Variants in RFTN1 observed in about 807,000 individuals in gnomAD.
RFTN1 encodes the protein raftlin, lipid raft linker 1, also known as raftlin.
A neutral mutation model predicts 46.5 loss-of-function variants in RFTN1; 26 were observed. The ratio of observed to expected loss-of-function variants is 0.56; its 90% CI spans 0.41 to 0.78. The LOEUF (loss-of-function observed/expected upper bound fraction) is 0.78, where lower values mean the gene tolerates loss of function less well. Ranked by LOEUF, RFTN1 falls within the 30% of genes least tolerant of loss-of-function variation. RFTN1 has a pLI of 0.00. For missense variants in RFTN1, 693 were observed against 718.7 expected (o/e 0.96, Z 0.41); for synonymous variants, 261 against 284.2 (o/e 0.92, Z 0.82).
In RFTN1 at chr3:16,377,903, G is replaced by A. The variant is rs1373489465; in HGVS notation, c.641C>T (p.Pro214Leu). Residue 214 changes from proline (P) to leucine (L), a missense_variant, in exon 5 of 10, where the codon CCG becomes CTG. Physicochemically the swap from Pro to Leu is moderately conservative, Grantham distance 98. Coordinates refer to ENST00000334133, the MANE Select transcript of RFTN1 (RefSeq NM_015150.2). ...KPGTGDVCSA[P>L]AGRNQSPEPS... ...CTCTGGGCTTTGGTTTCTCCCAGCCGGAGCACTGCACACATCCCCAGTCCC... is the reference window on the plus strand; with the variant it reads ...CTCTGGGCTTTGGTTTCTCCCAGCCAGAGCACTGCACACATCCCCAGTCCC... 36 of 1,614,156 alleles carry A rather than the reference G, an allele frequency of 2.2e-5. No homozygotes were observed. Among genetic ancestry groups the A allele is most frequent in the African/African-American group, 2.7e-5 (2 of 75,032 alleles).
At position 16,322,102 on chromosome 3, in the gene RFTN1, TG is replaced by T. The variant is rs1214348002; in HGVS notation, c.1332+1273del. On this transcript the variant is annotated intron_variant, in intron 9 of 9. Transcript: ENST00000334133. This position sits in a 1 kb window ranked among gnomAD's most constrained non-coding sequence, Gnocchi z 6.2. ...ACTTGCTGAATGCATGCAGTTCCCG[TG>T]AGCCTGTGGCTGAGCTGAAACTGAC... Among the ~76,000 whole-genome samples the T allele has an allele frequency of 6.6e-6, 1 of 152,244 alleles. No homozygotes were observed. Among genetic ancestry groups the T allele is most frequent in the Non-Finnish European group, 1.5e-5 (1 of 68,050 alleles).
rs1310874046 is a variant in RFTN1 at position 16,481,745 on chromosome 3, T to C, written c.145+11980A>G. On this transcript the variant is annotated intron_variant, in intron 2 of 9. Transcript: ENST00000334133. This position sits in a 1 kb window ranked among gnomAD's most constrained non-coding sequence, Gnocchi z 5.1. ...GTTTAATCTAATAGTCTGGAAATTA[T>C]ATTGGAAGAAACAGATGGTTTCACA... Among the ~76,000 whole-genome samples the C allele has an allele frequency of 2.0e-5, 3 of 152,324 alleles. No homozygotes were observed. The highest frequency in any genetic ancestry group is 1.9e-4 in the East Asian group (1 of 5,192).
At position 16,316,212 on chromosome 3, in the gene RFTN1, G is replaced by C. The variant is rs1427615842; in HGVS notation, c.*616C>G. 1 of 154,164 alleles carries C rather than the reference G, an allele frequency of 6.5e-6. No individual in the cohort carries two copies. Among genetic ancestry groups the C allele is most frequent in the Non-Finnish European group, 1.4e-5 (1 of 69,216 alleles). 9.5% of individuals were successfully genotyped at this position (154,164 alleles called of 1,614,324 possible). ...TGAACATTCTGCAAAAGTAGGTGCA[G>C]AGACAGAATTACTTCTTCATTTCCA... On this transcript the variant is annotated 3_prime_UTR_variant, in exon 10 of 10. Transcript: ENST00000334133. The surrounding 1 kb of genome is among the most constrained non-coding windows in gnomAD (Gnocchi z 4.5).
At chr3:16,439,764 C>T (rs942727497) in intron 2 of RFTN1, among the ~76,000 whole-genome samples, 6 of 152,150 alleles carry the variant, frequency 3.9e-5, no homozygotes, top group African/African-American at 1.4e-4. Context: ...GGGTTCCAGC[C>T]TTCTGCCTGC....
chr3:16,348,460 T>A lies in RFTN1; in HGVS notation c.1146+9472A>T, dbSNP rs1022286188. Among the ~76,000 whole-genome samples the A allele has an allele frequency of 1.6e-4, 24 of 152,168 alleles. No individual in the cohort carries two copies. Among genetic ancestry groups the A allele is most frequent in the African/African-American group, 5.8e-4 (24 of 41,446 alleles). ...CCCCACACTCAATTCCCTTAGCCCATCCAAGTCCTGGCTTGACTTGCCAAT... is the reference window on the plus strand; with the variant it reads ...CCCCACACTCAATTCCCTTAGCCCAACCAAGTCCTGGCTTGACTTGCCAAT... On this transcript the variant is annotated intron_variant, in intron 7 of 9. Coordinates refer to ENST00000334133, the MANE Select transcript of RFTN1 (RefSeq NM_015150.2). The surrounding 1 kb of genome is among the most constrained non-coding windows in gnomAD (Gnocchi z 6.3).
At chr3:16,350,491 ACTT>A (rs2072025954) in intron 7 of RFTN1, among the ~76,000 whole-genome samples, 1 of 121,180 alleles carries the variant, frequency 8.3e-6, no homozygotes. Flanking sequence ...GAGATGAATC[ACTT>A]TTTTTTTTTT....
chr3:16,349,194 C>T (rs950447954), intron 7 of RFTN1: 1 of 152,348 alleles, frequency 6.6e-6, no homozygotes, highest in African/African-American at 2.4e-5. Flanking sequence ...TACTAGCGGC[C>T]ATCTCCAGAG....
chr3:16,373,506 G>A (rs1360490456), intron 5 of RFTN1, among the ~76,000 whole-genome samples: 1 of 152,218 alleles, frequency 6.6e-6, no homozygotes, highest in Non-Finnish European at 1.5e-5. Flanking sequence ...CCAGCCCTGA[G>A]GTCTGTACCT....
intron 6 of RFTN1, among the ~76,000 whole-genome samples, chr3:16,368,331 C>T (rs141703993): frequency 5.3e-5 from 8 of 152,232 alleles, no homozygotes; most frequent in African/African-American, 1.7e-4. Flanking sequence ...AGGTTACCCA[C>T]CTTGCCACCA....
In RFTN1 at chr3:16,442,154, C is replaced by G. The variant is rs140054798; in HGVS notation, c.146-8117G>C. 5.4e-3 allele frequency among the ~76,000 whole-genome samples: 816 copies of G among 152,164 alleles called. 6 individuals carry two copies. Among genetic ancestry groups the G allele is most frequent in the African/African-American group, 0.019 (773 of 41,536 alleles). Reference sequence around the variant, plus strand: ...AAAAACAAAACAAAACAAAACAAAACAAAACACATATCCAGGCTCAGGAGA... The same window carrying G: ...AAAAACAAAACAAAACAAAACAAAAGAAAACACATATCCAGGCTCAGGAGA... On this transcript the variant is annotated intron_variant, in intron 2 of 9. Coordinates refer to ENST00000334133, the MANE Select transcript of RFTN1 (RefSeq NM_015150.2). The surrounding 1 kb of genome is among the most constrained non-coding windows in gnomAD (Gnocchi z 4.1).
rs897524656 is a variant in RFTN1, at chr3:16,399,963, A to G, written c.441+9412T>C. 5.3e-5 allele frequency among the ~76,000 whole-genome samples: 8 copies of G among 152,308 alleles called. No homozygotes were observed. The East Asian group carries it at 1.5e-3, about 29-fold the overall frequency. On this transcript the variant is annotated intron_variant, in intron 4 of 9. Transcript: ENST00000334133. ...TAAACTAAGTGACGATCTCTTGTCT[A>G]TGAAGAGTTACTCCAACAGGGTCCT... is the stretch of plus-strand genomic sequence containing the variant.
rs138824916 is a variant in RFTN1 at position 16,317,089 on chromosome 3, T to C, written c.1476A>G (p.Gly492=). The change falls in exon 10 of 10, where the codon GGA becomes GGG. Residue 492 remains glycine (G), a synonymous_variant. Coordinates refer to ENST00000334133, the MANE Select transcript of RFTN1 (RefSeq NM_015150.2). The surrounding 1 kb of genome is among the most constrained non-coding windows in gnomAD (Gnocchi z 4.3). The stretch of plus-strand genomic sequence containing the variant: ...CCTGCTGCTGTCCTGAAACACAGTT[T>C]CCCATGTCTCCAGCTTTGGAAGACT... ...EDQSSKAGDM[G]NCVSGQQQEG... is the part of the protein sequence containing the mutation. 9.9e-6 allele frequency: 16 copies of C among 1,613,856 alleles called. No homozygotes were observed. The African/African-American group carries it at 2.1e-4, about 22-fold the overall frequency.
intron 3 of RFTN1, among the ~76,000 whole-genome samples, chr3:16,419,313 T>C (rs558205686): frequency 3.5e-4 from 54 of 152,268 alleles, no homozygotes; most frequent in Admixed American, 2.5e-3. Flanking sequence ...GTACTCGCCT[T>C]AACTGTGAAG....
intron 3 of RFTN1, among the ~76,000 whole-genome samples, chr3:16,420,779 A>G (rs1382875672): frequency 6.6e-6 from 1 of 152,256 alleles, no homozygotes; most frequent in East Asian, 1.9e-4. Context: ...TACATGGCTA[A>G]TGGCTGTGTT....
intron 3 of RFTN1, among the ~76,000 whole-genome samples, chr3:16,423,919 C>A (rs2125474852): frequency 6.6e-6 from 1 of 152,170 alleles, no homozygotes; most frequent in Non-Finnish European, 1.5e-5. Flanking sequence ...TTTTAGGGAG[C>A]AGAGAGAAAA....
chr3:16,356,568 C>T lies in RFTN1; in HGVS notation c.1146+1364G>A, dbSNP rs888479486. Among the ~76,000 whole-genome samples the T allele has an allele frequency of 1.3e-5, 2 of 152,222 alleles. No individual in the cohort carries two copies. The highest frequency in any genetic ancestry group is 2.9e-5 in the Non-Finnish European group (2 of 68,036). ...GCTTCAAAGCTGAGTAATAGTGTCC[C>T]GGGGGACATCCAACTCACCCCCCAC... On this transcript the variant is annotated intron_variant, in intron 7 of 9. Transcript: ENST00000334133. This position sits in a 1 kb window ranked among gnomAD's most constrained non-coding sequence, Gnocchi z 4.9.
intron 5 of RFTN1, among the ~76,000 whole-genome samples, chr3:16,371,300 A>G (rs2073489380): frequency 6.6e-6 from 1 of 152,222 alleles, no homozygotes; most frequent in Non-Finnish European, 1.5e-5. Context: ...ACCTGGACCC[A>G]CACTCTCTGA....
rs1559350174 is a variant in RFTN1 at position 16,443,254 on chromosome 3, A to G, written c.146-9217T>C. Among the ~76,000 whole-genome samples the G allele has an allele frequency of 6.6e-6, 1 of 152,126 alleles. No homozygotes were observed. The highest frequency in any genetic ancestry group is 1.9e-4 in the East Asian group (1 of 5,186). On this transcript the variant is annotated intron_variant, in intron 2 of 9. Coordinates refer to ENST00000334133, the MANE Select transcript of RFTN1 (RefSeq NM_015150.2). This position sits in a 1 kb window ranked among gnomAD's most constrained non-coding sequence, Gnocchi z 5.5. ...ACACTTCTTATCTCTTGTATTTTTG[A>G]TAGTAGCCATTCTAACAGGTGTGAG...
At chr3:16,347,723 G>A (rs1055410381) in intron 7 of RFTN1, 33 of 152,226 alleles carry the variant, frequency 2.2e-4, no homozygotes, top group African/African-American at 8.0e-4. Flanking sequence ...GGAGGATTCA[G>A]TCTTTACTAT....
Sources: allele counts gnomAD v4.1 joint callset (sites outside exome capture counted in the v4.1 genomes callset), GRCh38; gene constraint gnomAD v4.1.1; non-coding constraint Gnocchi (gnomAD v3.1); transcripts MANE v1.5; gene names NCBI Gene and HGNC (gene_info 2026-07-23, HGNC 2026-07-21).